PPP1R16B: variants seen among roughly 807,000 people sequenced by gnomAD.
The protein encoded by PPP1R16B is protein phosphatase 1 regulatory subunit 16B.
In PPP1R16B, 14 loss-of-function variants were observed where a neutral mutation model predicts 61.7. The ratio of observed to expected loss-of-function variants is 0.23; its 90% CI spans 0.15 to 0.35. The LOEUF (loss-of-function observed/expected upper bound fraction) is 0.35, where lower values mean the gene tolerates loss of function less well. Ranked by LOEUF, PPP1R16B falls within the 10% of genes least tolerant of loss-of-function variation. The probability of loss-of-function intolerance (pLI) is 1.00; values close to 1 mark genes in which losing one functional copy is unlikely to be tolerated. For missense variants in PPP1R16B, 547 were observed against 752.5 expected (o/e 0.73, Z 3.19); for synonymous variants, 266 against 305.3 (o/e 0.87, Z 1.34).
At chr20:38,876,639 C>A (rs1057163743) in intron 2 of PPP1R16B, among the ~76,000 whole-genome samples, 3 of 152,024 alleles carry the variant, frequency 2.0e-5, no homozygotes, top group African/African-American at 7.3e-5. Context: ...ACTCTCCAAA[C>A]AAAATGGTTT....
intron 3 of PPP1R16B, 74 bp from the exon 4 acceptor site, chr20:38,895,491 C>G (rs1049846774): frequency 6.7e-6 from 10 of 1,499,636 alleles, no homozygotes; most frequent in Middle Eastern, 1.7e-4. Flanking sequence ...TTGCGGGGAA[C>G]CTGGTGTGTC....
intron 2 of PPP1R16B, among the ~76,000 whole-genome samples, chr20:38,862,778 G>A (rs1047131573): frequency 7.2e-5 from 11 of 152,176 alleles, no homozygotes; most frequent in African/African-American, 2.7e-4. Flanking sequence ...GCAAGATCTT[G>A]GAGCTCTTGG....
chr20:38,815,175 G>C (rs985460819), intron 1 of PPP1R16B, among the ~76,000 whole-genome samples: 1 of 151,896 alleles, frequency 6.6e-6, no homozygotes, highest in Non-Finnish European at 1.5e-5. Flanking sequence ...CTTTTCCCCG[G>C]AATAAATCTA....
intron 1 of PPP1R16B, among the ~76,000 whole-genome samples, chr20:38,825,051 G>A (rs1202820733): frequency 1.3e-5 from 2 of 152,220 alleles, no homozygotes; most frequent in African/African-American, 2.4e-5. Context: ...CTGGCTAAAG[G>A]GGAGGAGATA....
intron 2 of PPP1R16B, among the ~76,000 whole-genome samples, chr20:38,868,086 C>G (rs928666988): frequency 6.6e-6 from 1 of 152,210 alleles, no homozygotes; most frequent in Non-Finnish European, 1.5e-5. Flanking sequence ...CCTTTTCTTA[C>G]TGCTCCTCCC....
intron 2 of PPP1R16B, among the ~76,000 whole-genome samples, chr20:38,858,035 G>A (rs1305937740): frequency 1.3e-5 from 2 of 152,036 alleles, no homozygotes; most frequent in Admixed American, 6.5e-5. Flanking sequence ...CTCTCTTCCT[G>A]GCTTTCCACC....
chr20:38,847,303 C>G (rs2084941584), intron 2 of PPP1R16B, among the ~76,000 whole-genome samples: 1 of 152,130 alleles, frequency 6.6e-6, no homozygotes, highest in South Asian at 2.1e-4. Context: ...GGTTGAATAC[C>G]TATTCATAAG....
chr20:38,836,650 C>A (rs138560686), intron 2 of PPP1R16B, among the ~76,000 whole-genome samples: 88 of 152,300 alleles, frequency 5.8e-4, no homozygotes, highest in African/African-American at 1.8e-3. Context: ...AGAGCCGCAG[C>A]GCCAGGCCTA....
At chr20:38,903,631 A>G (rs977549731) in intron 6 of PPP1R16B, among the ~76,000 whole-genome samples, 1 of 152,052 alleles carries the variant, frequency 6.6e-6, no homozygotes, top group Admixed American at 6.6e-5. Context: ...CCATCCATCC[A>G]TCCAGCCATC....
intron 1 of PPP1R16B, 66 bp downstream of exon 1, chr20:38,805,858 A>T (rs530425116): frequency 1.3e-5 from 2 of 152,366 alleles, no homozygotes; most frequent in East Asian, 3.9e-4. Flanking sequence ...GGGGATGAGG[A>T]TGGGGCGGGG....
chr20:38,856,911 A>T (rs976210575), intron 2 of PPP1R16B, among the ~76,000 whole-genome samples: 1 of 152,174 alleles, frequency 6.6e-6, no homozygotes, highest in African/African-American at 2.4e-5. Flanking sequence ...ACCCCTACCC[A>T]TTCACTATTT....
intron 1 of PPP1R16B, among the ~76,000 whole-genome samples, chr20:38,808,331 C>G (rs1286396166): frequency 6.6e-6 from 1 of 152,182 alleles, no homozygotes. Context: ...AGGTGCTGTG[C>G]TTGGACTCTT....
chr20:38,845,182 G>C (rs2084929600), intron 2 of PPP1R16B, among the ~76,000 whole-genome samples: 1 of 152,156 alleles, frequency 6.6e-6, no homozygotes, highest in African/African-American at 2.4e-5. Flanking sequence ...CTCAGGCACG[G>C]AGAGGGGAAG....
intron 2 of PPP1R16B, among the ~76,000 whole-genome samples, chr20:38,865,155 G>A (rs1042838755): frequency 9.2e-5 from 14 of 152,260 alleles, no homozygotes; most frequent in South Asian, 2.1e-4. Context: ...CCCGGTTGAG[G>A]GAACTGGAAG....
In PPP1R16B at chr20:38,836,169, G is replaced by A. The variant is rs1356816150; in HGVS notation, c.244G>A (p.Glu82Lys). 6 of 1,609,300 alleles carry A rather than the reference G, an allele frequency of 3.7e-6. No homozygotes were observed. The highest frequency in any genetic ancestry group is 5.1e-6 in the Non-Finnish European group (6 of 1,179,058). ...GGAGGCCTCGCTGAGGAACGACGCCGAGGAAGGTAGGCCCCTCTGTGCCTT... is the reference window on the plus strand; with the variant it reads ...GGAGGCCTCGCTGAGGAACGACGCCAAGGAAGGTAGGCCCCTCTGTGCCTT... ...LLEASLRNDA[E>K]EVRYFLKNKV... The change falls in exon 2 of 11, where the codon GAG (glutamate) becomes AAG (lysine). Residue 82 changes from glutamate to lysine, a missense_variant. Glu to Lys is a moderately conservative substitution (Grantham distance 56, BLOSUM62 1). Coordinates refer to ENST00000299824, the MANE Select transcript of PPP1R16B (RefSeq NM_015568.4).
intron 1 of PPP1R16B, among the ~76,000 whole-genome samples, chr20:38,808,241 C>T (rs1380648267): frequency 2.0e-5 from 3 of 152,180 alleles, no homozygotes; most frequent in Non-Finnish European, 4.4e-5. Context: ...CTCTCAAAAC[C>T]AGCTCCATGC....
intron 2 of PPP1R16B, among the ~76,000 whole-genome samples, chr20:38,887,315 G>C (rs762208420): frequency 2.0e-5 from 3 of 152,200 alleles, no homozygotes; most frequent in Admixed American, 2.0e-4. Flanking sequence ...AGCAAGTTGT[G>C]TACTGGACAG....
At chr20:38,874,726 C>T (rs556833818) in intron 2 of PPP1R16B, among the ~76,000 whole-genome samples, 10 of 152,304 alleles carry the variant, frequency 6.6e-5, no homozygotes, top group Non-Finnish European at 1.3e-4. Context: ...AGATCCCCAA[C>T]TCTTAAAACC....
At chr20:38,841,766 A>G (rs888796962) in intron 2 of PPP1R16B, among the ~76,000 whole-genome samples, 1 of 152,238 alleles carries the variant, frequency 6.6e-6, no homozygotes, top group Non-Finnish European at 1.5e-5. Context: ...TCAGGGCTTC[A>G]TTCCTTTTCA....
Sources: allele counts gnomAD v4.1 joint callset (sites outside exome capture counted in the v4.1 genomes callset), GRCh38; gene constraint gnomAD v4.1.1; transcripts MANE v1.5; gene names NCBI Gene and HGNC (gene_info 2026-07-23, HGNC 2026-07-21).